Variants in CCDC192 observed in about 807,000 individuals in gnomAD.
CCDC192 encodes coiled-coil domain-containing protein 192.
rs533406020 is a variant in CCDC192 at position 127,914,785 on chromosome 5, TACA to T, written c.536-26393_536-26391del. 1.8e-3 allele frequency among the ~76,000 whole-genome samples: 281 copies of T among 152,282 alleles called. 1 individual carries two copies. Among genetic ancestry groups the T allele is most frequent in the Middle Eastern group, 3.4e-3 (1 of 294 alleles). On this transcript the variant is annotated intron_variant, in intron 6 of 6. Coordinates refer to ENST00000514853, the MANE Select transcript of CCDC192 (RefSeq NM_001317938.2). The stretch of plus-strand genomic sequence containing the variant: ...CATGAATTAACTCACTTGAGCCTCT[TACA>T]ACATTATGAGATATATTGATGTATT...
intron 2 of CCDC192, among the ~76,000 whole-genome samples, chr5:127,723,291 T>C (rs1194817052): frequency 6.6e-6 from 1 of 152,196 alleles, no homozygotes; most frequent in African/African-American, 2.4e-5. Flanking sequence ...GTTACTGATT[T>C]TTGTATGTTG....
chr5:127,757,360 G>T (rs1356545719), intron 3 of CCDC192, among the ~76,000 whole-genome samples: 1 of 152,146 alleles, frequency 6.6e-6, no homozygotes, highest in African/African-American at 2.4e-5. Context: ...AAAGCACATT[G>T]CAGCCATTTT....
At chr5:127,875,745 C>T (rs554798321) in intron 6 of CCDC192, 84 bp downstream of exon 6, 36 of 395,082 alleles carry the variant, frequency 9.1e-5, no homozygotes, top group Non-Finnish European at 1.5e-4. Context: ...GCAAAAAAAA[C>T]GAGGCTACAG....
Position 127,846,836 on chromosome 5 carries a change from A to C in CCDC192, c.412-28702A>C, listed in dbSNP as rs1184068032. 3.1e-4 allele frequency among the ~76,000 whole-genome samples: 47 copies of C among 150,850 alleles called. 1 individual carries two copies. Among genetic ancestry groups the C allele is most frequent in the Admixed American group, 3.0e-3 (45 of 15,178 alleles). On this transcript the variant is annotated intron_variant, in intron 5 of 6. Transcript: ENST00000514853. ...CAATAAAGCAAAAAAAAAAAAAAAA[A>C]AAAAAAAAACAGGGAAACATCAGTG...
intron 5 of CCDC192, among the ~76,000 whole-genome samples, chr5:127,851,697 C>T (rs553653980): frequency 6.6e-6 from 1 of 152,228 alleles, no homozygotes. Flanking sequence ...ACCTCGTGAT[C>T]TGCCCGCCTC....
intron 2 of CCDC192, among the ~76,000 whole-genome samples, chr5:127,753,688 G>GAA (rs71575707): frequency 3.2e-5 from 4 of 124,374 alleles, no homozygotes; most frequent in Non-Finnish European, 5.0e-5. Flanking sequence ...ACTCTGCCTG[G>GAA]AAAAAAAAAA....
intron 5 of CCDC192, among the ~76,000 whole-genome samples, chr5:127,800,401 A>AC (rs1757438494): frequency 3.6e-5 from 3 of 83,736 alleles, no homozygotes; most frequent in Admixed American, 1.6e-4. Flanking sequence ...AAAAAAAAAA[A>AC]CAACAACAAC....
At chr5:127,888,176 G>T (rs1752625908) in intron 6 of CCDC192, among the ~76,000 whole-genome samples, 1 of 151,904 alleles carries the variant, frequency 6.6e-6, no homozygotes, top group South Asian at 2.1e-4. Flanking sequence ...AGCACGTTGG[G>T]AGGCCAAGGT....
At chr5:127,814,243 G>T (rs539482774) in intron 5 of CCDC192, among the ~76,000 whole-genome samples, 194 of 152,334 alleles carry the variant, frequency 1.3e-3, no homozygotes, top group Non-Finnish European at 2.3e-3. Flanking sequence ...GGAATAGTCG[G>T]AAATCAGAAT....
In CCDC192 at chr5:127,837,441, AACTC is replaced by A. The variant is rs1182818591; in HGVS notation, c.412-38089_412-38086del. Among the ~76,000 whole-genome samples the A allele has an allele frequency of 9.9e-5, 8 of 80,510 alleles. 2 individuals are homozygous for A. The highest frequency in any genetic ancestry group is 5.0e-4 in the Admixed American group (4 of 7,962). 52.8% of individuals were successfully genotyped at this position (80,510 alleles called of 152,430 possible). A position where few individuals can be genotyped will look rare whatever the true frequency, so the allele number is the denominator to read the frequency against. Reference sequence around the variant, plus strand: ...TTGTAAAACCATCAGATGTTGTGAGAACTCACTCACTATCATAAGAATAGCATGG... The same window carrying A: ...TTGTAAAACCATCAGATGTTGTGAGAACTCACTATCATAAGAATAGCATGG... On this transcript the variant is annotated intron_variant, in intron 5 of 6. Coordinates refer to ENST00000514853, the MANE Select transcript of CCDC192 (RefSeq NM_001317938.2).
intron 6 of CCDC192, among the ~76,000 whole-genome samples, chr5:127,927,929 T>C (rs1167836794): frequency 2.0e-5 from 3 of 151,168 alleles, no homozygotes; most frequent in Non-Finnish European, 2.9e-5. Flanking sequence ...ACTTGTGATC[T>C]TATAGTTCTT....
At chr5:127,918,233 AAAG>A (rs1392172160) in intron 6 of CCDC192, among the ~76,000 whole-genome samples, 1 of 151,882 alleles carries the variant, frequency 6.6e-6, no homozygotes, top group Non-Finnish European at 1.5e-5. Flanking sequence ...AAAAAAAAAA[AAAG>A]TAGTATCTAC....
chr5:127,712,705 G>C (rs1433061933), intron 2 of CCDC192, among the ~76,000 whole-genome samples: 1 of 152,108 alleles, frequency 6.6e-6, no homozygotes, highest in Non-Finnish European at 1.5e-5. Context: ...TTAAAAATAA[G>C]GCTTCTATGA....
intron 2 of CCDC192, among the ~76,000 whole-genome samples, chr5:127,737,585 C>G (rs1378260878): frequency 2.0e-5 from 3 of 151,426 alleles, no homozygotes; most frequent in African/African-American, 4.9e-5. Flanking sequence ...GTAGGTCACT[C>G]AGGACTTGCT....
chr5:127,820,660 C>T (rs1275102886), intron 5 of CCDC192, among the ~76,000 whole-genome samples: 4 of 152,132 alleles, frequency 2.6e-5, no homozygotes, highest in Non-Finnish European at 4.4e-5. Flanking sequence ...CCTATGTTAA[C>T]GATACATACT....
rs1179907318 is a variant in CCDC192 at position 127,797,775 on chromosome 5, A to ATATT, written c.355-313_355-310dup. Among the ~76,000 whole-genome samples, 609 of 127,036 alleles carry ATATT rather than the reference A, an allele frequency of 4.8e-3. 3 individuals carry two copies. Among genetic ancestry groups the ATATT allele is most frequent in the Middle Eastern group, 7.8e-3 (2 of 256 alleles). 83.3% of individuals were successfully genotyped at this position (127,036 alleles called of 152,430 possible). On this transcript the variant is annotated intron_variant, in intron 4 of 6. Coordinates refer to ENST00000514853, the MANE Select transcript of CCDC192 (RefSeq NM_001317938.2). ...TATATATATATATATATATATATAT[A>ATATT]TATTTATTTATTTATTTATTTGTAA...
At chr5:127,731,595 A>G (rs1006284071) in intron 2 of CCDC192, among the ~76,000 whole-genome samples, 1 of 152,224 alleles carries the variant, frequency 6.6e-6, no homozygotes, top group African/African-American at 2.4e-5. Context: ...TGGAGGCATT[A>G]TGCTACCTGA....
At chr5:127,929,535 T>C (rs1307046788) in intron 6 of CCDC192, among the ~76,000 whole-genome samples, 1 of 152,226 alleles carries the variant, frequency 6.6e-6, no homozygotes, top group Non-Finnish European at 1.5e-5. Flanking sequence ...GAACATTTAA[T>C]AGCAATGTCA....
intron 5 of CCDC192, among the ~76,000 whole-genome samples, chr5:127,846,159 C>T (rs892973676): frequency 2.6e-5 from 4 of 151,600 alleles, no homozygotes; most frequent in African/African-American, 9.7e-5. Context: ...GGTGGTGGTG[C>T]GTGCCTGTAG....
Sources: allele counts gnomAD v4.1 joint callset (sites outside exome capture counted in the v4.1 genomes callset), GRCh38; gene constraint gnomAD v4.1.1; transcripts MANE v1.5; gene names NCBI Gene and HGNC (gene_info 2026-07-23, HGNC 2026-07-21).